The following FOCAD variants were observed in gnomAD, a reference collection of about 807,000 sequenced individuals.
FOCAD encodes the protein focadhesin.
In FOCAD, 198 loss-of-function variants were observed where a neutral mutation model predicts 225.6. That is an observed-to-expected ratio of 0.88 (90% confidence interval 0.78 to 0.99). FOCAD has a LOEUF of 0.99. Among genes scored for constraint, FOCAD ranks in the 50% least tolerant of loss-of-function variants. FOCAD has a pLI of 0.00. For missense variants in FOCAD, 2,713 were observed against 2,123.6 expected (o/e 1.28, Z -5.46); for synonymous variants, 897 against 755.0 (o/e 1.19, Z -3.08).
At chr9:20,717,104 A>G (rs544305511) in intron 2 of FOCAD, among the ~76,000 whole-genome samples, 1 of 152,338 alleles carries the variant, frequency 6.6e-6, no homozygotes, top group East Asian at 1.9e-4. Flanking sequence ...CTTAATATTC[A>G]TGTAAATGAG....
chr9:20,741,493 A>G (rs1274196580), intron 5 of FOCAD, among the ~76,000 whole-genome samples: 1 of 152,044 alleles, frequency 6.6e-6, no homozygotes, highest in Non-Finnish European at 1.5e-5. Flanking sequence ...ACAAAGTCAT[A>G]TTTGCATTTT....
intron 35 of FOCAD, chr9:20,957,673 C>CTTTTTTTT: frequency 2.6e-5 from 1 of 38,422 alleles, no homozygotes; most frequent in African/African-American, 1.1e-4. Context: ...ATCTCTCTCT[C>CTTTTTTTT]TTTTTTTTTT....
Position 20,720,383 on chromosome 9 carries a change from C to G in FOCAD, c.136C>G (p.Pro46Ala). Residue 46 changes from proline to alanine, a missense_variant, in exon 4 of 44, where the codon CCT (proline) becomes GCT (alanine). By Grantham distance (27) the Pro-to-Ala change is conservative. Transcript: ENST00000338382. ...EKIHQSTNQT[P>A]ALNLLWEKCC... is the part of the protein sequence containing the mutation. ...CTAATCACTGGTTTGGTTTCAGACT[C>G]CTGCTTTGAACTTGCTGTGGGAGAA... is the stretch of plus-strand genomic sequence containing the variant. 11 of 1,613,818 alleles carry G rather than the reference C, an allele frequency of 6.8e-6. No individual in the cohort carries two copies. Among genetic ancestry groups the G allele is most frequent in the Non-Finnish European group, 9.3e-6 (11 of 1,179,852 alleles).
chr9:20,673,684 C>T, intron 2 of FOCAD, among the ~76,000 whole-genome samples: 1 of 151,934 alleles, frequency 6.6e-6, no homozygotes, highest in East Asian at 1.9e-4. Context: ...CTCATTGCAA[C>T]CTCTGCCTCC....
intron 14 of FOCAD, 66 bp from the exon 15 acceptor site, chr9:20,822,923 A>G (rs574605571): frequency 1.2e-4 from 174 of 1,457,642 alleles, no homozygotes; most frequent in African/African-American, 2.9e-5. Flanking sequence ...TTGTTTAGGC[A>G]AAAGATCTGG....
chr9:20,702,334 C>G (rs920419874), intron 1 of FOCAD, among the ~76,000 whole-genome samples: 3 of 152,052 alleles, frequency 2.0e-5, no homozygotes, highest in Non-Finnish European at 2.9e-5. Context: ...GAACCCCTGG[C>G]CTCTAGTGAT....
chr9:20,868,936 C>T (rs1211826783), intron 18 of FOCAD, among the ~76,000 whole-genome samples: 1 of 152,036 alleles, frequency 6.6e-6, no homozygotes, highest in Non-Finnish European at 1.5e-5. Context: ...TCATTGATTG[C>T]TACATTTCAG....
chr9:20,982,062 C>T (rs1840747500), intron 38 of FOCAD, among the ~76,000 whole-genome samples: 1 of 152,090 alleles, frequency 6.6e-6, no homozygotes, highest in African/African-American at 2.4e-5. Flanking sequence ...GCCCTTCCCT[C>T]CCCCAAAAGA....
chr9:20,864,152 C>T (rs2131708986), intron 16 of FOCAD, among the ~76,000 whole-genome samples: 2 of 152,140 alleles, frequency 1.3e-5, no homozygotes, highest in Middle Eastern at 3.4e-3. Flanking sequence ...CCACTTTCAT[C>T]TGTGTGTGTT....
In FOCAD at chr9:20,724,703, C is replaced by T. The variant is rs78998861; in HGVS notation, c.287+4169C>T. Among the ~76,000 whole-genome samples the T allele has an allele frequency of 1.7e-3, 265 of 151,908 alleles. 3 individuals carry two copies. In the East Asian group the frequency reaches 0.043, roughly 24 times the overall value. ...AGAACTTTGCGGTGTGTAGTGAATACGAAGACTATACTTTGTACCGTTTAT... is the reference window on the plus strand; with the variant it reads ...AGAACTTTGCGGTGTGTAGTGAATATGAAGACTATACTTTGTACCGTTTAT... On this transcript the variant is annotated intron_variant, in intron 4 of 43. Coordinates refer to ENST00000338382, the MANE Select transcript of FOCAD (RefSeq NM_001375567.1).
chr9:20,949,706 G>A (rs1837514154), intron 33 of FOCAD, 31 bp downstream of exon 33: 2 of 1,508,380 alleles, frequency 1.3e-6, no homozygotes, highest in Non-Finnish European at 1.8e-6. Flanking sequence ...TCCTTGGGTG[G>A]AAAACATATC....
chr9:20,931,198 G>A (rs1396388287), intron 27 of FOCAD, among the ~76,000 whole-genome samples: 1 of 152,092 alleles, frequency 6.6e-6, no homozygotes, highest in African/African-American at 2.4e-5. Context: ...TGCTTCCTAG[G>A]TTGTCTTCCA....
intron 8 of FOCAD, among the ~76,000 whole-genome samples, chr9:20,774,772 A>T (rs747004135): frequency 2.6e-5 from 4 of 152,166 alleles, no homozygotes; most frequent in Non-Finnish European, 4.4e-5. Flanking sequence ...ATTTAGAAGA[A>T]TGAAAAGATT....
chr9:20,662,849 A>C (rs1257504997), intron 2 of FOCAD, among the ~76,000 whole-genome samples: 1 of 152,226 alleles, frequency 6.6e-6, no homozygotes, highest in Non-Finnish European at 1.5e-5. Context: ...CTAAAGATTT[A>C]GTTTTCAATG....
chr9:20,885,373 T>C, intron 21 of FOCAD, 143 bp downstream of exon 21: 2 of 702,012 alleles, frequency 2.8e-6, no homozygotes, highest in South Asian at 5.8e-5. Context: ...TTGACCCAAC[T>C]GAATACTCAA....
rs767440130 is a variant in FOCAD, at chr9:20,862,591, G to A, written c.1934G>A (p.Arg645His). 1.1e-5 allele frequency: 17 copies of A among 1,612,796 alleles called. No homozygotes were observed. Among genetic ancestry groups the A allele is most frequent in the Admixed American group, 3.3e-5 (2 of 59,904 alleles). Residue 645 changes from arginine to histidine, a missense_variant, in exon 16 of 44, where the codon CGC becomes CAC. Physicochemically the swap from Arg to His is conservative, Grantham distance 29. Transcript: ENST00000338382. ...ALCQAEVVCI[R>H]STWNALSPKL... ...TTTGCTTCACAGGTTGTTTGCATTC[G>A]CTCCACTTGGAATGCTCTCTCTCCA...
In FOCAD at chr9:20,885,192, C is replaced by A; in HGVS notation, c.2587C>A (p.Arg863=). ...PLNRLMASRG[R]SFKQTSLALV... ...GAACAGACTGATGGCCAGCAGAGGG[C>A]GAAGTTTCAAGCAGACTTCACTTGC... Residue 863 remains arginine, a synonymous_variant, in exon 21 of 44, where the codon CGA becomes AGA. Coordinates refer to ENST00000338382, the MANE Select transcript of FOCAD (RefSeq NM_001375567.1). 1 of 1,538,502 alleles carries A rather than the reference C, an allele frequency of 6.5e-7. No homozygotes were observed. Among genetic ancestry groups the A allele is most frequent in the Non-Finnish European group, 8.8e-7 (1 of 1,139,616 alleles).
At chr9:20,888,465 GT>G (rs1831317525) in intron 21 of FOCAD, among the ~76,000 whole-genome samples, 1 of 152,102 alleles carries the variant, frequency 6.6e-6, no homozygotes, top group Admixed American at 6.6e-5. Flanking sequence ...ATTTTGAAGA[GT>G]GGACTTTTCA....
chr9:20,868,165 T>TAA (rs1829452933), intron 18 of FOCAD, among the ~76,000 whole-genome samples: 1 of 152,058 alleles, frequency 6.6e-6, no homozygotes, highest in African/African-American at 2.4e-5. Flanking sequence ...ATTGTTGCTT[T>TAA]AAAACAGGAA....
Sources: allele counts gnomAD v4.1 joint callset (sites outside exome capture counted in the v4.1 genomes callset), GRCh38; gene constraint gnomAD v4.1.1; transcripts MANE v1.5; gene names NCBI Gene and HGNC (gene_info 2026-07-23, HGNC 2026-07-21).